SRBD1: variants seen among roughly 807,000 people sequenced by gnomAD.
SRBD1 encodes the protein S1 RNA-binding domain-containing protein 1.
A neutral mutation model predicts 115.3 loss-of-function variants in SRBD1; 88 were observed. That is an observed-to-expected ratio of 0.76 (90% CI 0.64 to 0.91). SRBD1 has a LOEUF of 0.91. Ranked by LOEUF, SRBD1 falls within the 40% of genes least tolerant of loss-of-function variation. The pLI, the probability that SRBD1 is intolerant of heterozygous loss-of-function variation, is 0.00. For synonymous variants in SRBD1, 509 were observed against 407.7 expected (o/e 1.25, Z -2.99); for missense variants, 1,385 against 1,177.4 (o/e 1.18, Z -2.58).
At chr2:45,482,814 T>G (rs1055104213) in intron 15 of SRBD1, among the ~76,000 whole-genome samples, 1 of 152,108 alleles carries the variant, frequency 6.6e-6, no homozygotes, top group African/African-American at 2.4e-5. Context: ...GCTCAAGTCC[T>G]TTATATAAAA....
chr2:45,477,405 T>A (rs933759492), intron 15 of SRBD1, among the ~76,000 whole-genome samples: 1 of 152,244 alleles, frequency 6.6e-6, no homozygotes, highest in Non-Finnish European at 1.5e-5. Context: ...ACGTAAAGCA[T>A]AATAGGATAC....
intron 14 of SRBD1, among the ~76,000 whole-genome samples, chr2:45,510,472 A>C (rs978486531): frequency 6.6e-6 from 1 of 152,224 alleles, no homozygotes; most frequent in Non-Finnish European, 1.5e-5. Flanking sequence ...TCTAAAATAC[A>C]GAAAAATCTT....
intron 10 of SRBD1, among the ~76,000 whole-genome samples, chr2:45,556,221 T>C (rs1202984950): frequency 6.6e-6 from 1 of 152,132 alleles, no homozygotes; most frequent in Non-Finnish European, 1.5e-5. Flanking sequence ...CTGAAGGAAT[T>C]AGGGATACAG....
intron 14 of SRBD1, among the ~76,000 whole-genome samples, chr2:45,493,522 T>C (rs554484077): frequency 9.9e-5 from 15 of 152,112 alleles, no homozygotes; most frequent in Non-Finnish European, 1.6e-4. Flanking sequence ...CTTAAAAACT[T>C]AGGTAAGGCC....
At position 45,580,026 on chromosome 2, in the gene SRBD1, G is replaced by C. The variant is rs757089508; in HGVS notation, c.934-13C>G. The C allele has an allele frequency of 2.7e-5, 40 of 1,497,898 alleles. No individual in the cohort carries two copies. The South Asian group carries it at 3.6e-4, about 14-fold the overall frequency. 92.8% of individuals were successfully genotyped at this position (1,497,898 alleles called of 1,614,324 possible). On this transcript the variant is annotated splice_polypyrimidine_tract_variant and intron_variant, in intron 6 of 20. Transcript: ENST00000263736. The stretch of plus-strand genomic sequence containing the variant: ...TATATGGAGCAGACTAGAAAATAAA[G>C]ACAGAAAACATATGATTATGTTTTA...
chr2:45,555,894 CTG>C (rs1428982544), intron 10 of SRBD1, among the ~76,000 whole-genome samples: 3 of 152,132 alleles, frequency 2.0e-5, no homozygotes, highest in Admixed American at 6.5e-5. Flanking sequence ...ACTATCCATT[CTG>C]TGTTTTCATC....
At chr2:45,405,126 T>C (rs932172521) in intron 19 of SRBD1, among the ~76,000 whole-genome samples, 1 of 152,212 alleles carries the variant, frequency 6.6e-6, no homozygotes, top group African/African-American at 2.4e-5. Context: ...TATCACACTG[T>C]ATAATTTATT....
At chr2:45,560,779 T>C (rs1672637168) in intron 10 of SRBD1, among the ~76,000 whole-genome samples, 1 of 152,128 alleles carries the variant, frequency 6.6e-6, no homozygotes, top group African/African-American at 2.4e-5. Flanking sequence ...TGGAATTTAT[T>C]TGCTTATTTA....
At position 45,551,114 on chromosome 2, in the gene SRBD1, A is replaced by C. The variant is rs764798801; in HGVS notation, c.1675+11T>G. On this transcript the variant is annotated intron_variant, in intron 12 of 20. Coordinates refer to ENST00000263736, the MANE Select transcript of SRBD1 (RefSeq NM_018079.5). ...AACAACTTTTACATGGAAAATTGCA[A>C]GACAACTTACTAGTAGGAGAAATTA... The C allele has an allele frequency of 2.5e-6, 4 of 1,580,028 alleles. No homozygotes were observed. In the South Asian group the frequency reaches 3.5e-5, roughly 14 times the overall value.
chr2:45,499,063 G>A (rs1391212895), intron 14 of SRBD1, among the ~76,000 whole-genome samples: 2 of 151,966 alleles, frequency 1.3e-5, no homozygotes, highest in Non-Finnish European at 2.9e-5. Flanking sequence ...TTTTTTTAGG[G>A]AACCCATATA....
At chr2:45,527,983 A>G (rs1411601379) in intron 14 of SRBD1, among the ~76,000 whole-genome samples, 1 of 151,910 alleles carries the variant, frequency 6.6e-6, no homozygotes, top group African/African-American at 2.4e-5. Context: ...AAATAATAGG[A>G]GCAGATCAGG....
intron 19 of SRBD1, among the ~76,000 whole-genome samples, chr2:45,403,955 T>C (rs1667358211): frequency 6.6e-6 from 1 of 152,122 alleles, no homozygotes; most frequent in African/African-American, 2.4e-5. Context: ...TGCAGAGCAC[T>C]GTGGCAGGGG....
intron 14 of SRBD1, among the ~76,000 whole-genome samples, chr2:45,495,788 C>A (rs952245798): frequency 3.3e-5 from 5 of 152,122 alleles, no homozygotes; most frequent in Non-Finnish European, 5.9e-5. Flanking sequence ...TATAAACATT[C>A]CAGGTTCACT....
intron 14 of SRBD1, among the ~76,000 whole-genome samples, chr2:45,511,374 G>T (rs556744530): frequency 6.6e-6 from 1 of 152,134 alleles, no homozygotes; most frequent in African/African-American, 2.4e-5. Context: ...TGCCACTCCA[G>T]ATGAATTTTT....
chr2:45,577,297 T>C (rs891762322), intron 7 of SRBD1, among the ~76,000 whole-genome samples: 11 of 152,232 alleles, frequency 7.2e-5, no homozygotes, highest in African/African-American at 2.7e-4. Flanking sequence ...GGAATAGATC[T>C]TGTGGGTTTA....
At chr2:45,393,188 C>T in intron 19 of SRBD1, 59 bp from the exon 20 acceptor site, 3 of 1,482,982 alleles carry the variant, frequency 2.0e-6, no homozygotes, top group Non-Finnish European at 2.7e-6. Context: ...TTGCAATCTC[C>T]TTATACAGAT....
intron 20 of SRBD1, among the ~76,000 whole-genome samples, chr2:45,392,292 T>A (rs555142909): frequency 3.3e-5 from 5 of 152,296 alleles, no homozygotes; most frequent in African/African-American, 9.6e-5. Context: ...CAAAACTGGT[T>A]ATAAGACCAG....
intron 14 of SRBD1, chr2:45,546,369 GAAAAAGGCT>G (rs1672119011): frequency 2.6e-5 from 26 of 984,636 alleles, no homozygotes; most frequent in Non-Finnish European, 2.8e-5. Context: ...AGCTTTGGGA[GAAAAAGGCT>G]AAGTTATTCA....
At chr2:45,406,732 A>G (rs1450081093) in intron 19 of SRBD1, among the ~76,000 whole-genome samples, 2 of 152,196 alleles carry the variant, frequency 1.3e-5, no homozygotes, top group Non-Finnish European at 2.9e-5. Context: ...AGAAGAATCC[A>G]TTTCCTACAT....
Sources: gnomAD v4.1 joint callset for allele counts (sites outside exome capture counted in the v4.1 genomes callset) on GRCh38, gnomAD v4.1.1 for gene constraint, MANE v1.5 for transcripts, NCBI Gene and HGNC (gene_info 2026-07-23, HGNC 2026-07-21) for gene names.